The following UGGT2 variants were observed in gnomAD, a reference collection of about 807,000 sequenced individuals.
The protein encoded by UGGT2 is UDP-glucose glycoprotein glucosyltransferase 2, also known as UDP-glucose:glycoprotein glucosyltransferase 2.
A neutral mutation model predicts 192.1 loss-of-function variants in UGGT2; 180 were observed. That is an observed-to-expected ratio of 0.94 (90% confidence interval 0.83 to 1.06). UGGT2 has a LOEUF of 1.06. UGGT2 is among the 50% of genes least tolerant of loss of function. The probability of loss-of-function intolerance (pLI) is 0.00; values close to 1 mark genes in which losing one functional copy is unlikely to be tolerated. For missense variants in UGGT2, 1,849 were observed against 1,795.7 expected (o/e 1.03, Z -0.54); for synonymous variants, 580 against 591.0 (o/e 0.98, Z 0.27).
intron 38 of UGGT2, among the ~76,000 whole-genome samples, chr13:95,829,060 G>T (rs1431063534): frequency 1.3e-5 from 2 of 152,092 alleles, no homozygotes; most frequent in Non-Finnish European, 2.9e-5. Context: ...CAGAACCAAA[G>T]ACAAAAACCA....
rs182555009 is a variant in UGGT2, at chr13:95,933,208, G to T, written c.1977+3716C>A. Among the ~76,000 whole-genome samples, 3 of 152,280 alleles carry T rather than the reference G, an allele frequency of 2.0e-5. No homozygotes were observed. The East Asian group carries it at 5.8e-4, about 29-fold the overall frequency. ...CAGAATTCAGTTATGAATCCATCTG[G>T]TCCAGGGCTTTTACTGGTTGGTAGG... On this transcript the variant is annotated intron_variant, in intron 17 of 38. Transcript: ENST00000376747.
intron 27 of UGGT2, among the ~76,000 whole-genome samples, chr13:95,881,995 A>G (rs2047508913): frequency 2.0e-5 from 3 of 150,418 alleles, no homozygotes; most frequent in Non-Finnish European, 4.4e-5. Context: ...TGCAACCTCT[A>G]CCTCCCGGAT....
intron 38 of UGGT2, among the ~76,000 whole-genome samples, chr13:95,813,681 A>G (rs2139750682): frequency 6.6e-6 from 1 of 152,348 alleles, no homozygotes; most frequent in South Asian, 2.1e-4. Context: ...TCGCATAACC[A>G]AAAGTGAGCC....
At chr13:95,972,709 A>G (rs780199500) in intron 10 of UGGT2, 38 bp from the exon 11 acceptor site, 28 of 1,478,066 alleles carry the variant, frequency 1.9e-5, no homozygotes, top group Non-Finnish European at 2.6e-5. Flanking sequence ...CCAGTGATAG[A>G]ACAATAGTGA....
At position 95,927,317 on chromosome 13, in the gene UGGT2, G is replaced by A. The variant is rs890115456; in HGVS notation, c.1997C>T (p.Thr666Met). Residue 666 changes from threonine (T) to methionine (M), a missense_variant, in exon 18 of 39, where the codon ACG (threonine) becomes ATG (methionine). By Grantham distance (81) the Thr-to-Met change is moderately conservative (BLOSUM62 -1). Coordinates refer to ENST00000376747, the MANE Select transcript of UGGT2 (RefSeq NM_020121.4). ...ATCCATTAGAAAATCAATTGCATTC[G>A]TGCGATCATTTAATGTGCCCTAAAA... Reference protein sequence around the residue: ...EVFLGTLNDRTNAIDFLMDRN... With the variant: ...EVFLGTLNDRMNAIDFLMDRN... The A allele has an allele frequency of 1.4e-5, 23 of 1,606,248 alleles. No individual in the cohort carries two copies. The highest frequency in any genetic ancestry group is 8.6e-5 in the Admixed American group (5 of 58,168).
rs780603434 is a variant in UGGT2, at chr13:95,837,084, A to G, written c.4401+2T>C. On this transcript the variant is annotated splice_donor_variant, in intron 37 of 38. Coordinates refer to ENST00000376747, the MANE Select transcript of UGGT2 (RefSeq NM_020121.4). LOFTEE classifies it high-confidence loss of function. ...CATACAAATGAAAACAAAGACACTC[A>G]CCAGATCAATTGTTTTGGCTCTTTG... The G allele has an allele frequency of 1.1e-5, 17 of 1,596,816 alleles. No homozygotes were observed. Among genetic ancestry groups the G allele is most frequent in the Non-Finnish European group, 1.4e-5 (16 of 1,164,410 alleles).
chr13:95,962,448 GA>G (rs2050428257), intron 12 of UGGT2, among the ~76,000 whole-genome samples: 1 of 152,018 alleles, frequency 6.6e-6, no homozygotes, highest in Non-Finnish European at 1.5e-5. Flanking sequence ...AACCTTGGAG[GA>G]AATGGATAAA....
chr13:96,025,517 CA>C (rs1566837534), intron 2 of UGGT2, among the ~76,000 whole-genome samples: 1 of 152,170 alleles, frequency 6.6e-6, no homozygotes, highest in Non-Finnish European at 1.5e-5. Context: ...TAGATCCTTT[CA>C]AAGATGACAA....
chr13:95,853,680 G>C (rs778512105), intron 35 of UGGT2, 23 bp from the exon 36 acceptor site: 1 of 1,498,980 alleles, frequency 6.7e-7, no homozygotes, highest in South Asian at 1.3e-5. Context: ...ATTACTTCTT[G>C]ATAGCCTATG....
At chr13:96,034,320 G>T (rs1464464189) in intron 1 of UGGT2, among the ~76,000 whole-genome samples, 4 of 152,194 alleles carry the variant, frequency 2.6e-5, no homozygotes, top group Non-Finnish European at 5.9e-5. Context: ...AGTGACAGCT[G>T]CGCTCATCAA....
chr13:95,802,066 C>T (rs1449185570), intron 38 of UGGT2, among the ~76,000 whole-genome samples: 1 of 152,156 alleles, frequency 6.6e-6, no homozygotes, highest in Non-Finnish European at 1.5e-5. Flanking sequence ...GGACAAGGAA[C>T]ATACCTTACT....
At chr13:95,836,364 T>A (rs1186205278) in intron 37 of UGGT2, among the ~76,000 whole-genome samples, 1 of 152,200 alleles carries the variant, frequency 6.6e-6, no homozygotes, top group Non-Finnish European at 1.5e-5. Flanking sequence ...AAGCCTTTTT[T>A]TCAAAAGTCC....
intron 38 of UGGT2, among the ~76,000 whole-genome samples, chr13:95,819,530 A>G (rs564251395): frequency 6.2e-5 from 4 of 64,548 alleles, no homozygotes; most frequent in African/African-American, 8.8e-5. Flanking sequence ...GTAATAGTAT[A>G]TATGTATATA....
intron 29 of UGGT2, 121 bp from the exon 30 acceptor site, chr13:95,867,544 G>GT (rs1174743171): frequency 1.5e-5 from 10 of 654,186 alleles, no homozygotes; most frequent in Non-Finnish European, 2.2e-5. Flanking sequence ...CATATATCAT[G>GT]TTTTTCTGTT....
At chr13:95,928,146 G>A (rs961513282) in intron 17 of UGGT2, among the ~76,000 whole-genome samples, 17 of 152,166 alleles carry the variant, frequency 1.1e-4, no homozygotes, top group South Asian at 2.1e-4. Context: ...AACCGCCATC[G>A]TCATCATGGC....
chr13:95,816,202 A>G (rs1312916815), intron 38 of UGGT2, among the ~76,000 whole-genome samples: 3 of 152,218 alleles, frequency 2.0e-5, no homozygotes, highest in Non-Finnish European at 2.9e-5. Context: ...TAATATTATA[A>G]TTAGTCTGTA....
At chr13:96,003,849 T>C (rs991318988) in intron 5 of UGGT2, among the ~76,000 whole-genome samples, 2 of 152,090 alleles carry the variant, frequency 1.3e-5, no homozygotes, top group African/African-American at 4.8e-5. Flanking sequence ...AGTAAGTCAA[T>C]ATTTCCTTAA....
rs2048156840 is a variant in UGGT2 at position 95,903,020 on chromosome 13, G to A, written c.2336C>T (p.Pro779Leu). 1.2e-6 allele frequency: 2 copies of A among 1,612,512 alleles called. No individual in the cohort carries two copies. The highest frequency in any genetic ancestry group is 1.7e-6 in the Non-Finnish European group (2 of 1,179,452). ...VHSRLGIIYNPTSKINEENTA... is the reference protein window; with the variant it reads ...VHSRLGIIYNLTSKINEENTA... Reference sequence around the variant, plus strand: ...GTTCTCTTCATTTATTTTTGATGTAGGATTATAAATAATCCCCAACCGACT... The same window carrying A: ...GTTCTCTTCATTTATTTTTGATGTAAGATTATAAATAATCCCCAACCGACT... The change falls in exon 21 of 39, where the codon CCT becomes CTT. Residue 779 changes from proline (P) to leucine (L), a missense_variant. By Grantham distance (98) the Pro-to-Leu change is moderately conservative. Coordinates refer to ENST00000376747, the MANE Select transcript of UGGT2 (RefSeq NM_020121.4).
intron 33 of UGGT2, among the ~76,000 whole-genome samples, chr13:95,859,235 T>C (rs1156443760): frequency 6.6e-6 from 1 of 152,180 alleles, no homozygotes; most frequent in East Asian, 1.9e-4. Context: ...CTTTGTATTT[T>C]CTTGATACTA....
Sources: gnomAD v4.1 joint callset for allele counts (sites outside exome capture counted in the v4.1 genomes callset) on GRCh38, gnomAD v4.1.1 for gene constraint, MANE v1.5 for transcripts, NCBI Gene and HGNC (gene_info 2026-07-23, HGNC 2026-07-21) for gene names.